Variants in TACR3 observed in about 807,000 individuals in gnomAD.
TACR3 encodes the protein tachykinin receptor 3.
In TACR3, 34 loss-of-function variants were observed where a neutral mutation model predicts 35.0. The ratio of observed to expected loss-of-function variants is 0.97; its 90% confidence interval spans 0.74 to 1.30. The LOEUF (loss-of-function observed/expected upper bound fraction) is 1.30. Ranked by LOEUF, TACR3 falls within the 50% of genes most tolerant of loss-of-function variation. TACR3 has a pLI of 0.00. For missense variants in TACR3, 558 were observed against 591.7 expected (o/e 0.94, Z 0.59); for synonymous variants, 233 against 221.1 (o/e 1.05, Z -0.48).
At chr4:103,711,520 A>G (rs1395813249) in intron 1 of TACR3, among the ~76,000 whole-genome samples, 1 of 152,180 alleles carries the variant, frequency 6.6e-6, no homozygotes, top group Non-Finnish European at 1.5e-5. Context: ...ATTTATGACA[A>G]ACCCACAGCA....
intron 1 of TACR3, among the ~76,000 whole-genome samples, chr4:103,709,067 G>A (rs905847163): frequency 3.3e-5 from 5 of 152,194 alleles, no homozygotes; most frequent in Admixed American, 3.3e-4. Flanking sequence ...ATGGAACCAA[G>A]TTGGAAAACA....
At chr4:103,656,378 C>A (rs370674323) in intron 2 of TACR3, 34 bp from the exon 3 acceptor site, 1 of 1,603,630 alleles carries the variant, frequency 6.2e-7, no homozygotes, top group Non-Finnish European at 8.5e-7. Context: ...TGCTGAAGAC[C>A]TTATTGGAAT....
At chr4:103,654,156 A>G (rs1209325106) in intron 3 of TACR3, among the ~76,000 whole-genome samples, 1 of 151,658 alleles carries the variant, frequency 6.6e-6, no homozygotes, top group Non-Finnish European at 1.5e-5. Context: ...TCAGGGATCT[A>G]GAACTAGAAA....
intron 1 of TACR3, among the ~76,000 whole-genome samples, chr4:103,691,181 A>G (rs990515747): frequency 1.6e-4 from 25 of 152,290 alleles, no homozygotes; most frequent in African/African-American, 5.3e-4. Flanking sequence ...TAGCAGTTCT[A>G]TTCATTGCAC....
chr4:103,686,479 C>G (rs979357969), intron 1 of TACR3, among the ~76,000 whole-genome samples: 2 of 152,022 alleles, frequency 1.3e-5, no homozygotes, highest in Non-Finnish European at 2.9e-5. Flanking sequence ...CAAACAAACA[C>G]TCCATAAAAT....
chr4:103,603,406 C>A (rs1461030477), intron 3 of TACR3, among the ~76,000 whole-genome samples: 1 of 152,198 alleles, frequency 6.6e-6, no homozygotes, highest in Admixed American at 6.5e-5. Flanking sequence ...CACTGTCTTG[C>A]ACCTACTGTC....
rs555437269 is a variant in TACR3, at chr4:103,598,735, G to C, written c.889-7052C>G. Among the ~76,000 whole-genome samples, 50 of 152,164 alleles carry C rather than the reference G, an allele frequency of 3.3e-4. No homozygotes were observed. The South Asian group carries it at 9.6e-3, about 29-fold the overall frequency. Reference sequence around the variant, plus strand: ...AATCCTTTCCCCATTTCTTGTTTTTGTCAGGTTTGTCAAAGATCAGATATT... The same window carrying C: ...AATCCTTTCCCCATTTCTTGTTTTTCTCAGGTTTGTCAAAGATCAGATATT... On this transcript the variant is annotated intron_variant, in intron 3 of 4. Coordinates refer to ENST00000304883, the MANE Select transcript of TACR3 (RefSeq NM_001059.3).
chr4:103,658,126 G>T, intron 2 of TACR3, 89 bp downstream of exon 2: 1 of 1,271,524 alleles, frequency 7.9e-7, no homozygotes, highest in Non-Finnish European at 1.1e-6. Context: ...TGGGGGAAAT[G>T]TCAGTCTTAT....
At chr4:103,695,844 C>G (rs776643866) in intron 1 of TACR3, among the ~76,000 whole-genome samples, 4 of 151,896 alleles carry the variant, frequency 2.6e-5, no homozygotes, top group Non-Finnish European at 5.9e-5. Context: ...AGAATTCTAT[C>G]AGGAATGGGA....
At chr4:103,711,243 A>T (rs1722950706) in intron 1 of TACR3, among the ~76,000 whole-genome samples, 1 of 152,240 alleles carries the variant, frequency 6.6e-6, no homozygotes, top group African/African-American at 2.4e-5. Context: ...AAAATCCTCA[A>T]TAAAATACTG....
chr4:103,702,361 A>G (rs1458722894), intron 1 of TACR3, among the ~76,000 whole-genome samples: 2 of 152,220 alleles, frequency 1.3e-5, no homozygotes, highest in African/African-American at 4.8e-5. Context: ...ATACCATCTC[A>G]CACCAGTTAG....
chr4:103,599,706 A>T (rs1724142055), intron 3 of TACR3, among the ~76,000 whole-genome samples: 1 of 152,042 alleles, frequency 6.6e-6, no homozygotes, highest in Non-Finnish European at 1.5e-5. Flanking sequence ...GCATCTATTG[A>T]GATAGTCATG....
chr4:103,604,066 G>A (rs1724283495), intron 3 of TACR3, among the ~76,000 whole-genome samples: 1 of 152,118 alleles, frequency 6.6e-6, no homozygotes, highest in East Asian at 1.9e-4. Flanking sequence ...GACCAAAAAG[G>A]AGCCCATATC....
At chr4:103,668,210 T>C (rs1028234011) in intron 1 of TACR3, among the ~76,000 whole-genome samples, 1 of 152,190 alleles carries the variant, frequency 6.6e-6, no homozygotes, top group Admixed American at 6.5e-5. Context: ...CACAATAAAG[T>C]AAATATTGCA....
At chr4:103,650,049 G>T (rs980849996) in intron 3 of TACR3, among the ~76,000 whole-genome samples, 5 of 151,944 alleles carry the variant, frequency 3.3e-5, no homozygotes, top group Admixed American at 6.6e-5. Context: ...TGCATTAGGG[G>T]GTACCACATA....
chr4:103,640,617 T>C (rs1309145746), intron 3 of TACR3, among the ~76,000 whole-genome samples: 1 of 151,978 alleles, frequency 6.6e-6, no homozygotes, highest in African/African-American at 2.4e-5. Context: ...AATCCATTCA[T>C]TGTATCTTTA....
At chr4:103,614,368 A>ATTT (rs34472683) in intron 3 of TACR3, among the ~76,000 whole-genome samples, 1 of 151,598 alleles carries the variant, frequency 6.6e-6, no homozygotes, top group African/African-American at 2.4e-5. Context: ...AAACTGACAG[A>ATTT]TTTTTTTTTC....
chr4:103,596,164 G>T (rs1297995514), intron 3 of TACR3, among the ~76,000 whole-genome samples: 1 of 147,478 alleles, frequency 6.8e-6, no homozygotes, highest in Non-Finnish European at 1.5e-5. Context: ...TGGACATTTG[G>T]GGTGGTTCCA....
intron 1 of TACR3, 81 bp from the exon 2 acceptor site, chr4:103,658,484 G>A (rs1725776314): frequency 3.0e-6 from 4 of 1,354,510 alleles, no homozygotes; most frequent in Middle Eastern, 1.9e-4. Context: ...TATTTCAAAG[G>A]CGTTTCAATA....
Sources: gnomAD v4.1 joint callset for allele counts (sites outside exome capture counted in the v4.1 genomes callset) on GRCh38, gnomAD v4.1.1 for gene constraint, MANE v1.5 for transcripts, NCBI Gene and HGNC (gene_info 2026-07-23, HGNC 2026-07-21) for gene names.